The following SLIT3 variants were observed in gnomAD, a reference collection of about 807,000 sequenced individuals.
The protein encoded by SLIT3 is slit guidance ligand 3.
A neutral mutation model predicts 184.0 loss-of-function variants in SLIT3; 68 were observed. The observed-to-expected ratio is 0.37, with a 90% CI of 0.30 to 0.45. The LOEUF (loss-of-function observed/expected upper bound fraction) is 0.45, where lower values mean the gene tolerates loss of function less well. Among genes scored for constraint, SLIT3 ranks in the 20% least tolerant of loss-of-function variants. SLIT3 has a pLI of 1.00. For synonymous variants in SLIT3, 831 were observed against 828.6 expected, an observed-to-expected ratio of 1.00 and a Z score of -0.05; for missense variants, 1,707 against 2,026.0, an observed-to-expected ratio of 0.84 and a Z score of 3.02.
chr5:168,825,877 T>C (rs1191677886), intron 6 of SLIT3, among the ~76,000 whole-genome samples: 1 of 152,340 alleles, frequency 6.6e-6, no homozygotes, highest in South Asian at 2.1e-4. Context: ...AAATGATCCC[T>C]CCATTTCACC....
At chr5:168,713,308 T>C (rs1263998633) in intron 23 of SLIT3, among the ~76,000 whole-genome samples, 1 of 152,190 alleles carries the variant, frequency 6.6e-6, no homozygotes, top group Non-Finnish European at 1.5e-5. Flanking sequence ...CTATTCTCAC[T>C]TACACAGTGG....
At chr5:169,045,253 G>T (rs1212104787) in intron 4 of SLIT3, among the ~76,000 whole-genome samples, 1 of 152,106 alleles carries the variant, frequency 6.6e-6, no homozygotes, top group Non-Finnish European at 1.5e-5. Flanking sequence ...GGAGCTGCTG[G>T]TGAGATGAAA....
chr5:168,735,163 C>T (rs1299649321), intron 20 of SLIT3, among the ~76,000 whole-genome samples: 1 of 152,184 alleles, frequency 6.6e-6, no homozygotes, highest in Non-Finnish European at 1.5e-5. Context: ...TGCATTTGGC[C>T]TGCATTTAAA....
chr5:169,222,511 G>A (rs1764647155), intron 3 of SLIT3, among the ~76,000 whole-genome samples: 1 of 152,044 alleles, frequency 6.6e-6, no homozygotes. Context: ...TGTCAGGATT[G>A]TGATGAAAGA....
chr5:168,930,733 C>T (rs1254444450), intron 4 of SLIT3, among the ~76,000 whole-genome samples: 2 of 152,030 alleles, frequency 1.3e-5, no homozygotes, highest in Non-Finnish European at 1.5e-5. Context: ...GAGCGCTTGG[C>T]AGCTGACACC....
intron 4 of SLIT3, among the ~76,000 whole-genome samples, chr5:168,914,135 C>A (rs1761357028): frequency 6.6e-6 from 1 of 152,200 alleles, no homozygotes; most frequent in South Asian, 2.1e-4. Flanking sequence ...TCAAGGTACA[C>A]ATGTCTTGGA....
chr5:169,086,106 A>G (rs1402489775), intron 4 of SLIT3, among the ~76,000 whole-genome samples: 2 of 152,210 alleles, frequency 1.3e-5, no homozygotes, highest in African/African-American at 4.8e-5. Context: ...GTCCTTCAGA[A>G]GCTCTCGTGG....
At chr5:168,987,551 T>C (rs1755174334) in intron 4 of SLIT3, among the ~76,000 whole-genome samples, 1 of 152,216 alleles carries the variant, frequency 6.6e-6, no homozygotes, top group Admixed American at 6.5e-5. Context: ...AAGCACACTA[T>C]AGGAGATACT....
At chr5:169,085,750 T>C (rs1335987933) in intron 4 of SLIT3, among the ~76,000 whole-genome samples, 1 of 152,180 alleles carries the variant, frequency 6.6e-6, no homozygotes, top group Non-Finnish European at 1.5e-5. Context: ...CTGTCATCGC[T>C]CTCATTTCTG....
intron 4 of SLIT3, among the ~76,000 whole-genome samples, chr5:169,150,386 G>C (rs1416881601): frequency 6.6e-6 from 1 of 152,124 alleles, no homozygotes; most frequent in Non-Finnish European, 1.5e-5. Context: ...AAGCTGTGAG[G>C]CTGTGCAGGT....
At chr5:168,967,959 C>G (rs1229620507) in intron 4 of SLIT3, among the ~76,000 whole-genome samples, 2 of 152,184 alleles carry the variant, frequency 1.3e-5, no homozygotes, top group Non-Finnish European at 2.9e-5. Flanking sequence ...CGTGCCTGCA[C>G]CAGATTCTCT....
intron 4 of SLIT3, among the ~76,000 whole-genome samples, chr5:169,042,746 A>G (rs1757488791): frequency 6.6e-6 from 1 of 152,176 alleles, no homozygotes; most frequent in African/African-American, 2.4e-5. Context: ...CCCGAGAATC[A>G]AACTGTTTTT....
intron 4 of SLIT3, among the ~76,000 whole-genome samples, chr5:169,151,485 A>C (rs1762117268): frequency 1.3e-5 from 2 of 152,192 alleles, no homozygotes; most frequent in Non-Finnish European, 2.9e-5. Flanking sequence ...AGGGAGAAAA[A>C]CCAATGCTGG....
chr5:168,692,389 CCTGT>C (rs745917576), intron 29 of SLIT3, among the ~76,000 whole-genome samples: 1 of 152,116 alleles, frequency 6.6e-6, no homozygotes, highest in African/African-American at 2.4e-5. Flanking sequence ...TCCCTACCTA[CCTGT>C]CTATCTACAG....
intron 6 of SLIT3, among the ~76,000 whole-genome samples, chr5:168,840,236 T>A (rs1277339984): frequency 6.6e-6 from 1 of 152,224 alleles, no homozygotes; most frequent in African/African-American, 2.4e-5. Context: ...ATTTTCAGGA[T>A]GTGTTTCTGT....
intron 4 of SLIT3, among the ~76,000 whole-genome samples, chr5:168,969,332 T>C (rs1754473342): frequency 6.6e-6 from 1 of 152,198 alleles, no homozygotes; most frequent in Non-Finnish European, 1.5e-5. Context: ...GCAGAGGTTT[T>C]TGGCTTTAAT....
At chr5:169,288,686 T>A (rs1767240221) in intron 1 of SLIT3, among the ~76,000 whole-genome samples, 1 of 152,236 alleles carries the variant, frequency 6.6e-6, no homozygotes, top group African/African-American at 2.4e-5. Context: ...AATGACTCCA[T>A]CCTTCATGGA....
At chr5:169,289,486 A>T (rs1201041260) in intron 1 of SLIT3, among the ~76,000 whole-genome samples, 2 of 152,262 alleles carry the variant, frequency 1.3e-5, no homozygotes, top group Non-Finnish European at 2.9e-5. Flanking sequence ...TTCATCATTT[A>T]TAGAGTCCAG....
intron 1 of SLIT3, among the ~76,000 whole-genome samples, chr5:169,295,428 C>T (rs1767471911): frequency 6.6e-6 from 1 of 152,250 alleles, no homozygotes; most frequent in South Asian, 2.1e-4. Flanking sequence ...ACAGGGACTG[C>T]CTCAGGCTAC....
Sources: allele counts gnomAD v4.1 joint callset (sites outside exome capture counted in the v4.1 genomes callset), GRCh38; gene constraint gnomAD v4.1.1; transcripts MANE v1.5; gene names NCBI Gene and HGNC (gene_info 2026-07-23, HGNC 2026-07-21).